SUSD6: variants seen among roughly 807,000 people sequenced by gnomAD.
SUSD6 encodes the protein sushi domain-containing protein 6.
Under a neutral mutation model 28.4 loss-of-function variants are expected in SUSD6, and 16 were observed. That is an observed-to-expected ratio of 0.56 (90% CI 0.38 to 0.86). SUSD6 has a LOEUF of 0.86. Among genes scored for constraint, SUSD6 ranks in the 40% least tolerant of loss-of-function variants. The pLI is 0.00. For synonymous variants in SUSD6, 147 were observed against 159.6 expected (o/e 0.92, Z 0.59); for missense variants, 341 against 384.2 (o/e 0.89, Z 0.94).
intron 1 of SUSD6, among the ~76,000 whole-genome samples, chr14:69,634,634 C>A (rs117445837): frequency 0.028 from 4,198 of 152,344 alleles, 122 homozygotes; most frequent in South Asian, 0.14. Flanking sequence ...ATTTATGAGG[C>A]ACATCTAAAT....
chr14:69,668,943 C>T (rs2139621575), intron 2 of SUSD6, among the ~76,000 whole-genome samples: 1 of 151,974 alleles, frequency 6.6e-6, no homozygotes, highest in African/African-American at 2.4e-5. Context: ...CTTGAGGCCT[C>T]CCCAGAAGCA....
chr14:69,696,977 C>T (rs1594721402), intron 2 of SUSD6, among the ~76,000 whole-genome samples: 1 of 152,116 alleles, frequency 6.6e-6, no homozygotes, highest in South Asian at 2.1e-4. Context: ...ATGGGCTACT[C>T]GGCTGAGTGT....
intron 2 of SUSD6, among the ~76,000 whole-genome samples, chr14:69,671,556 G>A (rs114382314): frequency 0.012 from 1,850 of 152,288 alleles, 43 homozygotes; most frequent in African/African-American, 0.043. Flanking sequence ...CTTATCTGGC[G>A]TCACAAATTC....
Position 69,703,436 on chromosome 14 carries a change from T to G in SUSD6, c.163T>G (p.Cys55Gly). ...GGAGCCAGAGAATGGTGGCTACATC[T>G]GCCACCCCCGGCCCTGCAGAGACCC... is the stretch of plus-strand genomic sequence containing the variant. ...PPEPENGGYI[C>G]HPRPCRDPLT... The change falls in exon 3 of 6, where the codon TGC (cysteine) becomes GGC (glycine). Residue 55 changes from cysteine to glycine, a missense_variant. By Grantham distance (159) the Cys-to-Gly change is radical. Coordinates refer to ENST00000342745, the MANE Select transcript of SUSD6 (RefSeq NM_014734.4). 1 of 1,614,120 alleles carries G rather than the reference T, an allele frequency of 6.2e-7. No homozygotes were observed.
At chr14:69,704,522 T>C (rs1886358548) in intron 3 of SUSD6, 82 bp from the exon 4 acceptor site, 7 of 1,427,662 alleles carry the variant, frequency 4.9e-6, no homozygotes, top group Middle Eastern at 1.9e-4. Flanking sequence ...CAGGAGGCAT[T>C]TGACAAGATC....
rs577628828 is a variant in SUSD6 at position 69,714,445 on chromosome 14, GA to G, written c.*3476del. ...TGCATCCTTACTCCTCACCCCCAAA[GA>G]AAAAAAAAAGGCCTAGCAGGGAAGC... On this transcript the variant is annotated 3_prime_UTR_variant, in exon 6 of 6. Coordinates refer to ENST00000342745, the MANE Select transcript of SUSD6 (RefSeq NM_014734.4). 19 of 146,726 alleles carry G rather than the reference GA, an allele frequency of 1.3e-4. No homozygotes were observed. Among genetic ancestry groups the G allele is most frequent in the Middle Eastern group, 3.4e-3 (1 of 292 alleles). The allele number at this position is 146,726 out of a possible 1,614,324, so 9.1% of individuals were successfully genotyped here. A position where few individuals can be genotyped will look rare whatever the true frequency, so the allele number is the denominator to read the frequency against.
intron 2 of SUSD6, among the ~76,000 whole-genome samples, chr14:69,666,602 G>C (rs114573634): frequency 6.6e-6 from 1 of 152,020 alleles, no homozygotes; most frequent in African/African-American, 2.4e-5. Context: ...CTTGCTTTTC[G>C]TAGCTATATT....
intron 1 of SUSD6, among the ~76,000 whole-genome samples, chr14:69,626,532 C>T (rs1956501362): frequency 6.6e-6 from 1 of 152,146 alleles, no homozygotes; most frequent in Non-Finnish European, 1.5e-5. Context: ...CCATAGTTCA[C>T]TTTTCATTTT....
At chr14:69,650,420 T>C (rs77879024) in intron 1 of SUSD6, among the ~76,000 whole-genome samples, 2,312 of 152,254 alleles carry the variant, frequency 0.015, 23 homozygotes, top group Middle Eastern at 0.037. Context: ...GACCACCCAA[T>C]TGATAGTATC....
chr14:69,665,501 C>T (rs539098607), intron 2 of SUSD6, among the ~76,000 whole-genome samples: 2 of 152,320 alleles, frequency 1.3e-5, no homozygotes, highest in African/African-American at 4.8e-5. Flanking sequence ...GATCCACCCG[C>T]CTTGGCCTCC....
chr14:69,690,759 CA>C (rs2139636828), intron 2 of SUSD6, among the ~76,000 whole-genome samples: 1 of 152,292 alleles, frequency 6.6e-6, no homozygotes, highest in African/African-American at 2.4e-5. Context: ...TCATCCCGCA[CA>C]AGATGAAGGA....
chr14:69,710,468 G>A (rs1886447465), intron 5 of SUSD6, among the ~76,000 whole-genome samples: 1 of 152,244 alleles, frequency 6.6e-6, no homozygotes, highest in Non-Finnish European at 1.5e-5. Context: ...CATTAAGTCA[G>A]TAAGTTCCTT....
chr14:69,705,118 C>T (rs1044860708), intron 4 of SUSD6, among the ~76,000 whole-genome samples: 2 of 151,846 alleles, frequency 1.3e-5, no homozygotes, highest in African/African-American at 2.4e-5. Context: ...GAGTTTGAGA[C>T]CAGCTTGACC....
intron 1 of SUSD6, among the ~76,000 whole-genome samples, chr14:69,629,889 C>T (rs373458675): frequency 1.7e-4 from 26 of 152,170 alleles, no homozygotes; most frequent in African/African-American, 2.2e-4. Context: ...ACAGCTCCCA[C>T]GGTCGGCGGT....
intron 5 of SUSD6, among the ~76,000 whole-genome samples, chr14:69,710,367 T>G (rs1340188207): frequency 6.6e-6 from 1 of 152,274 alleles, no homozygotes; most frequent in East Asian, 1.9e-4. Context: ...GTATCAGCCA[T>G]TTGGGAAGAT....
chr14:69,708,941 C>T lies in SUSD6; in HGVS notation c.723C>T (p.Ala241=). The part of the protein sequence containing the change: ...EAPGQSGLCE[A]WGSRASETVM... ...CAGGCCAGTCTGGACTATGTGAAGC[C>T]TGGGGCTCTCGGGCCTCAGAGACTG... Residue 241 remains alanine, a synonymous_variant, in exon 5 of 6, where the codon GCC becomes GCT. Transcript: ENST00000342745. 2 of 1,614,216 alleles carry T rather than the reference C, an allele frequency of 1.2e-6. No homozygotes were observed. The highest frequency in any genetic ancestry group is 4.5e-5 in the East Asian group (2 of 44,892).
At chr14:69,703,185 G>A (rs1886336615) in intron 2 of SUSD6, among the ~76,000 whole-genome samples, 1 of 152,168 alleles carries the variant, frequency 6.6e-6, no homozygotes, top group South Asian at 2.1e-4. Context: ...AGGGGGAAAT[G>A]TTGCAAGCAG....
chr14:69,650,478 C>G (rs537461675), intron 1 of SUSD6, among the ~76,000 whole-genome samples: 1 of 152,098 alleles, frequency 6.6e-6, no homozygotes, highest in Admixed American at 6.5e-5. Context: ...ATACATAGTT[C>G]AAGTGTTCTG....
At chr14:69,710,827 G>A in intron 5 of SUSD6, 127 bp from the exon 6 acceptor site, 2 of 857,718 alleles carry the variant, frequency 2.3e-6, no homozygotes, top group Non-Finnish European at 3.9e-6. Flanking sequence ...AGAAGTGTAT[G>A]AGTGGGACAT....
Sources: allele counts gnomAD v4.1 joint callset (sites outside exome capture counted in the v4.1 genomes callset), GRCh38; gene constraint gnomAD v4.1.1; transcripts MANE v1.5; gene names NCBI Gene and HGNC (gene_info 2026-07-23, HGNC 2026-07-21).